The following DISP3 variants were observed in gnomAD, a reference collection of about 807,000 sequenced individuals.
DISP3 encodes the protein protein dispatched homolog 3.
In DISP3, 101 loss-of-function variants were observed where a neutral mutation model predicts 135.3. The ratio of observed to expected loss-of-function variants is 0.75; its 90% CI spans 0.64 to 0.88. DISP3 has a LOEUF of 0.88. DISP3 is among the 40% of genes least tolerant of loss of function. The pLI is 0.00. For missense variants in DISP3, 1,713 were observed against 1,878.6 expected, an observed-to-expected ratio of 0.91 and a Z score of 1.63; for synonymous variants, 856 against 817.0, an observed-to-expected ratio of 1.05 and a Z score of -0.81.
rs1237846148 is a variant in DISP3 at position 11,531,828 on chromosome 1, T to G, written c.3375+118T>G. ...GATGCTGAGGCCCAGAGAGGTGGAG[T>G]GACTTGCCTGAGGTCACATAGTTAG... On this transcript the variant is annotated intron_variant, in intron 17 of 20. Transcript: ENST00000294484. This position sits in a 1 kb window ranked among gnomAD's most constrained non-coding sequence, Gnocchi z 5.2. 1 of 1,392,124 alleles carries G rather than the reference T, an allele frequency of 7.2e-7. No homozygotes were observed. The highest frequency in any genetic ancestry group is 9.5e-7 in the Non-Finnish European group (1 of 1,054,338). 86.2% of individuals were successfully genotyped at this position (1,392,124 alleles called of 1,614,324 possible).
rs778322099 is a variant in DISP3 at position 11,534,972 on chromosome 1, C to T, written c.3536-39C>T. The T allele has an allele frequency of 6.6e-6, 10 of 1,524,406 alleles. No individual in the cohort carries two copies. The South Asian group carries it at 1.2e-4, about 18-fold the overall frequency. 94.4% of individuals were successfully genotyped at this position (1,524,406 alleles called of 1,614,324 possible). On this transcript the variant is annotated intron_variant, in intron 18 of 20. Coordinates refer to ENST00000294484, the MANE Select transcript of DISP3 (RefSeq NM_020780.2). The stretch of plus-strand genomic sequence containing the variant: ...CAGCAGCACAGCTTGCTGCGACCGC[C>T]CACACAGCAGCGCACTGAGGCCCTG...
intron 3 of DISP3, among the ~76,000 whole-genome samples, chr1:11,507,644 A>G (rs1434867552): frequency 3.3e-5 from 5 of 152,200 alleles, no homozygotes; most frequent in Non-Finnish European, 7.4e-5. Flanking sequence ...AGGGCAGCTT[A>G]CCTTTCCTAG....
rs776306560 is a variant in DISP3 at position 11,535,666 on chromosome 1, C to T, written c.3816+22C>T. ...CGAGGTGCGCACCCTGCCCGCCTTA[C>T]CCACTTCCCACCACATTGGGTCTTC... On this transcript the variant is annotated intron_variant, in intron 20 of 20. Coordinates refer to ENST00000294484, the MANE Select transcript of DISP3 (RefSeq NM_020780.2). 1.6e-5 allele frequency: 26 copies of T among 1,599,766 alleles called. No homozygotes were observed. In the African/African-American group the frequency reaches 3.2e-4, roughly 20 times the overall value.
chr1:11,503,000 G>T, intron 3 of DISP3, 103 bp downstream of exon 3: 1 of 1,094,246 alleles, frequency 9.1e-7, no homozygotes, highest in East Asian at 2.6e-5. Flanking sequence ...CTTTTCCTTT[G>T]GAAGTCTTTC....
At chr1:11,505,371 G>T (rs1641667169) in intron 3 of DISP3, among the ~76,000 whole-genome samples, 1 of 152,218 alleles carries the variant, frequency 6.6e-6, no homozygotes, top group East Asian at 1.9e-4. Context: ...TCAAGGAAAG[G>T]TACTTGGCTG....
chr1:11,534,394 G>A lies in DISP3; in HGVS notation c.3389G>A (p.Gly1130Asp), dbSNP rs1482497962. 3 of 1,614,102 alleles carry A rather than the reference G, an allele frequency of 1.9e-6. No individual in the cohort carries two copies. Among genetic ancestry groups the A allele is most frequent in the African/African-American group, 1.3e-5 (1 of 74,940 alleles). The change falls in exon 18 of 21, where the codon GGC (glycine) becomes GAC (aspartate). Residue 1130 changes from glycine (G) to aspartate (D), a missense_variant. By Grantham distance (94) the Gly-to-Asp change is moderately conservative (BLOSUM62 -1). Coordinates refer to ENST00000294484, the MANE Select transcript of DISP3 (RefSeq NM_020780.2). Reference protein sequence around the residue: ...SMAFESTTYKGKSSFQTYSDY... With the variant: ...SMAFESTTYKDKSSFQTYSDY... ...CTCTCCCCACAGACCACGTACAAGG[G>A]CAAATCCTCCTTCCAGACCTACTCG...
At chr1:11,512,375 T>A (rs1157933171) in intron 3 of DISP3, among the ~76,000 whole-genome samples, 1 of 152,186 alleles carries the variant, frequency 6.6e-6, no homozygotes, top group Admixed American at 6.5e-5. Context: ...GCTTTGCTGC[T>A]TAGAAATTTC....
At chr1:11,527,332 G>A (rs1159049628) in intron 13 of DISP3, among the ~76,000 whole-genome samples, 7 of 152,056 alleles carry the variant, frequency 4.6e-5, no homozygotes, top group African/African-American at 1.7e-4. Context: ...GGCGGATCAC[G>A]AGGTCAGCCG....
intron 1 of DISP3, among the ~76,000 whole-genome samples, chr1:11,496,128 T>C (rs1641325149): frequency 6.6e-6 from 1 of 152,108 alleles, no homozygotes; most frequent in South Asian, 2.1e-4. Context: ...TTTTCTGTTA[T>C]AAAGCTGGGA....
At chr1:11,508,095 T>TAC (rs1641755658) in intron 3 of DISP3, among the ~76,000 whole-genome samples, 2 of 152,212 alleles carry the variant, frequency 1.3e-5, no homozygotes, top group Non-Finnish European at 2.9e-5. Context: ...TTGACATGTG[T>TAC]GTATACACTG....
At chr1:11,533,700 G>A (rs1054195775) in intron 17 of DISP3, 4 of 687,800 alleles carry the variant, frequency 5.8e-6, no homozygotes, top group Non-Finnish European at 5.4e-6. Flanking sequence ...CAAGGTGCCC[G>A]CTTCCAAGCT....
chr1:11,517,449 C>T lies in DISP3; in HGVS notation c.1750-14C>T, dbSNP rs547731147. 4.3e-6 allele frequency: 7 copies of T among 1,613,596 alleles called. No individual in the cohort carries two copies. Among genetic ancestry groups the T allele is most frequent in the Non-Finnish European group, 5.9e-6 (7 of 1,179,508 alleles). Reference sequence around the variant, plus strand: ...CAACCTGTCCCACATCCCTCTCTTCCTTTCCATCACCAGATCCCAGCCGTC... The same window carrying T: ...CAACCTGTCCCACATCCCTCTCTTCTTTTCCATCACCAGATCCCAGCCGTC... On this transcript the variant is annotated splice_polypyrimidine_tract_variant and intron_variant, in intron 6 of 20. Coordinates refer to ENST00000294484, the MANE Select transcript of DISP3 (RefSeq NM_020780.2).
At chr1:11,524,254 G>A (rs1048452946) in intron 11 of DISP3, among the ~76,000 whole-genome samples, 199 bp downstream of exon 11, 5 of 152,012 alleles carry the variant, frequency 3.3e-5, no homozygotes, top group Admixed American at 2.6e-4. Flanking sequence ...AGGCTCCCGC[G>A]ACACCCTGGT....
intron 10 of DISP3, among the ~76,000 whole-genome samples, chr1:11,522,007 G>C (rs943854857): frequency 6.6e-6 from 1 of 152,144 alleles, no homozygotes; most frequent in African/African-American, 2.4e-5. Context: ...CATGCTGATG[G>C]CAGCGATGGT....
In DISP3 at chr1:11,522,585, A is replaced by ACCCAGCCAGGACCCAGCCAGAG. The variant is rs1557614892; in HGVS notation, c.2363-1325_2363-1304dup. Among the ~76,000 whole-genome samples, 7 of 88,652 alleles carry ACCCAGCCAGGACCCAGCCAGAG rather than the reference A, an allele frequency of 7.9e-5. 1 individual carries two copies. Among genetic ancestry groups the ACCCAGCCAGGACCCAGCCAGAG allele is most frequent in the Non-Finnish European group, 1.4e-4 (6 of 41,728 alleles). 58.2% of individuals were successfully genotyped at this position (88,652 alleles called of 152,430 possible). The stretch of plus-strand genomic sequence containing the variant: ...AGAGCCCAGCCAGGACCCAGCCAAG[A>ACCCAGCCAGGACCCAGCCAGAG]CCCAGCCAGGACCCAGCCAGAGCCC... On this transcript the variant is annotated intron_variant, in intron 10 of 20. Transcript: ENST00000294484.
intron 1 of DISP3, among the ~76,000 whole-genome samples, chr1:11,494,062 T>G (rs1032618761): frequency 1.3e-5 from 2 of 152,236 alleles, no homozygotes. Context: ...CTACCTGGTA[T>G]GGCCAAAAGA....
At chr1:11,498,472 A>G (rs1161055053) in intron 1 of DISP3, among the ~76,000 whole-genome samples, 1 of 152,184 alleles carries the variant, frequency 6.6e-6, no homozygotes, top group Non-Finnish European at 1.5e-5. Flanking sequence ...CCCAAGGATG[A>G]GCGTCCGAAG....
At chr1:11,508,825 CTTA>C (rs1467204576) in intron 3 of DISP3, among the ~76,000 whole-genome samples, 3 of 152,090 alleles carry the variant, frequency 2.0e-5, no homozygotes, top group African/African-American at 7.2e-5. Flanking sequence ...GTACAATTAA[CTTA>C]TTATTGACTG....
chr1:11,531,819 G>T lies in DISP3; in HGVS notation c.3375+109G>T. 1 of 1,434,532 alleles carries T rather than the reference G, an allele frequency of 7.0e-7. No homozygotes were observed. Among genetic ancestry groups the T allele is most frequent in the Non-Finnish European group, 9.2e-7 (1 of 1,087,382 alleles). The allele number at this position is 1,434,532 out of a possible 1,614,324, so 88.9% of individuals were successfully genotyped here. A position where few individuals can be genotyped will look rare whatever the true frequency, so the allele number is the denominator to read the frequency against. On this transcript the variant is annotated intron_variant, in intron 17 of 20. Coordinates refer to ENST00000294484, the MANE Select transcript of DISP3 (RefSeq NM_020780.2). The surrounding 1 kb of genome is among the most constrained non-coding windows in gnomAD (Gnocchi z 5.2). The stretch of plus-strand genomic sequence containing the variant: ...CGGGGGGGAGATGCTGAGGCCCAGA[G>T]AGGTGGAGTGACTTGCCTGAGGTCA...
Sources: allele counts gnomAD v4.1 joint callset (sites outside exome capture counted in the v4.1 genomes callset), GRCh38; gene constraint gnomAD v4.1.1; non-coding constraint Gnocchi (gnomAD v3.1); transcripts MANE v1.5; gene names NCBI Gene and HGNC (gene_info 2026-07-23, HGNC 2026-07-21).